Variants in WFS1 observed in about 807,000 individuals in gnomAD.
WFS1 encodes wolframin.
A neutral mutation model predicts 68.5 loss-of-function variants in WFS1; 90 were observed. The observed-to-expected ratio is 1.31, with a 90% confidence interval of 1.11 to 1.56. WFS1 has a LOEUF of 1.56. Among genes scored for constraint, WFS1 ranks in the 40% most tolerant of loss-of-function variants. The probability of loss-of-function intolerance (pLI) is 0.00; values close to 1 mark genes in which losing one functional copy is unlikely to be tolerated. For synonymous variants in WFS1, 860 were observed against 540.7 expected (o/e 1.59, Z -8.19); for missense variants, 1,767 against 1,232.6 (o/e 1.43, Z -6.49).
chr4:6,288,721 A>G lies in WFS1; in HGVS notation c.316-266A>G. On this transcript the variant is annotated intron_variant, in intron 3 of 7. Transcript: ENST00000226760. ...CAGGCAGGAGCAACTCAAGGAAGAG[A>G]ACCTGTACCAGTACCAGTCGGAGCC... The G allele has an allele frequency of 7.8e-6, 4 of 509,954 alleles. No individual in the cohort carries two copies. The South Asian group carries it at 8.0e-5, about 10-fold the overall frequency. 31.6% of individuals were successfully genotyped at this position (509,954 alleles called of 1,614,324 possible).
intron 1 of WFS1, among the ~76,000 whole-genome samples, chr4:6,274,392 CA>C (rs1195494330): frequency 6.6e-6 from 1 of 151,956 alleles, no homozygotes; most frequent in African/African-American, 2.4e-5. Flanking sequence ...TCTCTTCTGC[CA>C]CACACGTAAT....
intron 3 of WFS1, chr4:6,288,606 C>T (rs1330495410): frequency 5.8e-6 from 2 of 343,572 alleles, no homozygotes; most frequent in Admixed American, 4.2e-5. Flanking sequence ...GTCTCTCCAG[C>T]CCTGGCTTTC....
At chr4:6,274,348 G>A (rs1337112217) in intron 1 of WFS1, among the ~76,000 whole-genome samples, 1 of 151,964 alleles carries the variant, frequency 6.6e-6, no homozygotes, top group African/African-American at 2.4e-5. Context: ...CGCCTGGCCG[G>A]CTTAGTTTTT....
Position 6,277,659 on chromosome 4 carries a change from C to G in WFS1, c.204C>G (p.Thr68=). The change falls in exon 2 of 8, where the codon ACC becomes ACG. Residue 68 remains threonine (T), a synonymous_variant. Transcript: ENST00000226760. ...AAPAEPQAQH[T]RSRERADGTG... is the part of the protein sequence containing the mutation. ...CCGCTGAACCCCAGGCCCAGCATAC[C>G]AGGAGCCGGGAAAGAGCAGACGGCA... is the stretch of plus-strand genomic sequence containing the variant. The G allele has an allele frequency of 3.8e-6, 6 of 1,564,528 alleles. No individual in the cohort carries two copies. The highest frequency in any genetic ancestry group is 5.2e-6 in the Non-Finnish European group (6 of 1,155,022).
chr4:6,285,351 T>G (rs1311230855), intron 2 of WFS1, among the ~76,000 whole-genome samples: 1 of 141,762 alleles, frequency 7.1e-6, no homozygotes, highest in Admixed American at 7.0e-5. Flanking sequence ...GAGGGTGGTG[T>G]CCAGGGAAAG....
rs201692206 is a variant in WFS1, at chr4:6,301,202, G to T, written c.1407G>T (p.Ser469=). The stretch of plus-strand genomic sequence containing the variant: ...CCGAGGTCACCGCCGGCCTGCTATC[G>T]CTGCTGCCCTCCATGCCCTTGAATT... ...LATEVTAGLL[S]LLPSMPLNWP... The change falls in exon 8 of 8, where the codon TCG becomes TCT. Residue 469 remains serine, a synonymous_variant. Transcript: ENST00000226760. 6.2e-7 allele frequency: 1 copy of T among 1,612,078 alleles called. No individual in the cohort carries two copies. Among genetic ancestry groups the T allele is most frequent in the South Asian group, 1.1e-5 (1 of 91,080 alleles).
chr4:6,289,890 C>T (rs1730415574), intron 4 of WFS1, among the ~76,000 whole-genome samples: 1 of 152,050 alleles, frequency 6.6e-6, no homozygotes, highest in Non-Finnish European at 1.5e-5. Flanking sequence ...TTACTCATAA[C>T]CTTGAAGCCC....
In WFS1 at chr4:6,302,449, C is replaced by G. The variant is rs372855769; in HGVS notation, c.2654C>G (p.Pro885Arg). The part of the protein sequence containing the change: ...VKFAFDFFFF[P>R]FLSAA ...TTCGCCTTCGACTTCTTTTTCTTCC[C>G]ATTCCTGTCGGCGGCCTGAGGATGG... is the stretch of plus-strand genomic sequence containing the variant. The change falls in exon 8 of 8, where the codon CCA becomes CGA. Residue 885 changes from proline to arginine, a missense_variant. By Grantham distance (103) the Pro-to-Arg change is moderately radical. Transcript: ENST00000226760. 6.2e-7 allele frequency: 1 copy of G among 1,613,076 alleles called. No homozygotes were observed. Among genetic ancestry groups the G allele is most frequent in the Non-Finnish European group, 8.5e-7 (1 of 1,180,042 alleles).
chr4:6,277,430 T>C, intron 1 of WFS1, 21 bp from the exon 2 acceptor site: 1 of 1,549,538 alleles, frequency 6.5e-7, no homozygotes, highest in East Asian at 2.4e-5. Flanking sequence ...TGGATGTGCC[T>C]GACCTTGACT....
Position 6,300,958 on chromosome 4 carries a change from T to G in WFS1, c.1163T>G (p.Leu388Arg). 6.2e-7 allele frequency: 1 copy of G among 1,613,998 alleles called. No individual in the cohort carries two copies. ...TDLLLRFEPN[L>R]DVEQAEVNFG... ...CTGCTGCTGCGCTTCGAGCCCAACC[T>G]GGATGTGGAGCAGGCCGAGGTCAAC... Residue 388 changes from leucine (L) to arginine (R), a missense_variant, in exon 8 of 8, where the codon CTG becomes CGG. By Grantham distance (102) the Leu-to-Arg change is moderately radical (BLOSUM62 -2). Transcript: ENST00000226760.
At chr4:6,294,896 C>G in intron 6 of WFS1, 145 bp from the exon 7 acceptor site, 17 of 1,403,828 alleles carry the variant, frequency 1.2e-5, no homozygotes, top group Non-Finnish European at 1.7e-5. Flanking sequence ...CTCAGGCCGC[C>G]CAGGGAAGGG....
At chr4:6,274,769 C>T (rs1278329264) in intron 1 of WFS1, among the ~76,000 whole-genome samples, 2 of 152,106 alleles carry the variant, frequency 1.3e-5, no homozygotes, top group African/African-American at 2.4e-5. Context: ...CATTTGTATG[C>T]TGATGTTGAA....
intron 2 of WFS1, among the ~76,000 whole-genome samples, chr4:6,281,706 G>A (rs10005859): frequency 0.072 from 10,951 of 152,124 alleles, 468 homozygotes; most frequent in African/African-American, 0.098. Flanking sequence ...GGAGTGCGCT[G>A]AGCCCCTGCT....
At chr4:6,274,298 C>T (rs1407337442) in intron 1 of WFS1, among the ~76,000 whole-genome samples, 7 of 152,024 alleles carry the variant, frequency 4.6e-5, no homozygotes, top group African/African-American at 1.2e-4. Context: ...CTGCCCGCCT[C>T]GGCCTCCCAA....
intron 2 of WFS1, among the ~76,000 whole-genome samples, chr4:6,280,340 C>T (rs1399478472): frequency 6.6e-6 from 1 of 152,228 alleles, no homozygotes; most frequent in Admixed American, 6.5e-5. Flanking sequence ...TCTTCACAGG[C>T]AGCTGTGGTG....
At chr4:6,273,256 G>T (rs1039836205) in intron 1 of WFS1, among the ~76,000 whole-genome samples, 2 of 152,244 alleles carry the variant, frequency 1.3e-5, no homozygotes, top group Admixed American at 1.3e-4. Context: ...CCAGGTGGCG[G>T]CCTCTCAGCT....
chr4:6,275,882 G>C (rs1325412178), intron 1 of WFS1, among the ~76,000 whole-genome samples: 1 of 152,200 alleles, frequency 6.6e-6, no homozygotes, highest in African/African-American at 2.4e-5. Flanking sequence ...TGGGTGTTCA[G>C]AGGTGGCCAG....
intron 4 of WFS1, 42 bp from the exon 5 acceptor site, chr4:6,291,155 A>G: frequency 6.2e-7 from 1 of 1,606,508 alleles, no homozygotes; most frequent in Non-Finnish European, 8.5e-7. Context: ...CCGAAAGCCT[A>G]GGCAGGGCAC....
At position 6,301,648 on chromosome 4, in the gene WFS1, T is replaced by C. The variant is rs1197883971; in HGVS notation, c.1853T>C (p.Phe618Ser). 1 of 1,613,964 alleles carries C rather than the reference T, an allele frequency of 6.2e-7. No individual in the cohort carries two copies. Among genetic ancestry groups the C allele is most frequent in the Non-Finnish European group, 8.5e-7 (1 of 1,180,000 alleles). ...LLLRWWTKAS[F>S]SVVGMVKSLT... ...TTGCGCTGGTGGACCAAGGCCAGCT[T>C]CTCTGTGGTGGGGATGGTGAAGTCC... The change falls in exon 8 of 8, where the codon TTC (phenylalanine) becomes TCC (serine). Residue 618 changes from phenylalanine to serine, a missense_variant. By Grantham distance (155) the Phe-to-Ser change is radical (BLOSUM62 -2). Coordinates refer to ENST00000226760, the MANE Select transcript of WFS1 (RefSeq NM_006005.3).
Sources: allele counts gnomAD v4.1 joint callset (sites outside exome capture counted in the v4.1 genomes callset), GRCh38; gene constraint gnomAD v4.1.1; transcripts MANE v1.5; gene names NCBI Gene and HGNC (gene_info 2026-07-23, HGNC 2026-07-21).